IMMP2L: variants seen among roughly 807,000 people sequenced by gnomAD.
The protein encoded by IMMP2L is inner mitochondrial membrane peptidase subunit 2.
In IMMP2L, 18 loss-of-function variants were observed where a neutral mutation model predicts 19.3. The observed-to-expected ratio is 0.93, with a 90% CI of 0.64 to 1.38. The LOEUF is 1.38. Ranked by LOEUF, IMMP2L falls within the 40% of genes most tolerant of loss-of-function variation. The pLI is 0.00. For synonymous variants in IMMP2L, 76 were observed against 73.0 expected (o/e 1.04, Z -0.21); for missense variants, 233 against 218.2 (o/e 1.07, Z -0.43).
At chr7:110,969,343 A>G (rs963094711) in intron 3 of IMMP2L, among the ~76,000 whole-genome samples, 2 of 152,018 alleles carry the variant, frequency 1.3e-5, no homozygotes, top group East Asian at 3.9e-4. Context: ...TTCCCCTTGC[A>G]TCATGTAAAT....
chr7:111,112,900 A>C (rs1423435265), intron 3 of IMMP2L, among the ~76,000 whole-genome samples: 3 of 152,158 alleles, frequency 2.0e-5, no homozygotes, highest in African/African-American at 7.2e-5. Context: ...TGTTTATTGC[A>C]TTTGAAAAAA....
chr7:110,768,409 A>C (rs1798814083), intron 5 of IMMP2L, among the ~76,000 whole-genome samples: 1 of 151,990 alleles, frequency 6.6e-6, no homozygotes, highest in South Asian at 2.1e-4. Context: ...ATGCAATTTC[A>C]GTTCCATTCT....
At chr7:111,408,748 C>T (rs1273632392) in intron 3 of IMMP2L, among the ~76,000 whole-genome samples, 1 of 151,604 alleles carries the variant, frequency 6.6e-6, no homozygotes, top group Non-Finnish European at 1.5e-5. Context: ...AGCTGATAAC[C>T]ACATTGTATG....
intron 5 of IMMP2L, among the ~76,000 whole-genome samples, chr7:110,772,304 G>A (rs1419673972): frequency 2.0e-5 from 3 of 152,090 alleles, no homozygotes; most frequent in Non-Finnish European, 2.9e-5. Context: ...GGGTAATGCC[G>A]AGTACAACCA....
intron 5 of IMMP2L, among the ~76,000 whole-genome samples, chr7:110,670,200 C>T (rs1791794148): frequency 6.6e-6 from 1 of 152,080 alleles, no homozygotes; most frequent in Non-Finnish European, 1.5e-5. Flanking sequence ...CAGAGAAGTT[C>T]ATGTGAGAAC....
At chr7:111,366,726 A>C (rs1313905430) in intron 3 of IMMP2L, among the ~76,000 whole-genome samples, 1 of 151,976 alleles carries the variant, frequency 6.6e-6, no homozygotes, top group African/African-American at 2.4e-5. Flanking sequence ...AAACTTTCGG[A>C]AGATTCTAAA....
chr7:111,412,794 C>A (rs1444993379), intron 3 of IMMP2L, among the ~76,000 whole-genome samples: 2 of 151,124 alleles, frequency 1.3e-5, no homozygotes, highest in Non-Finnish European at 2.9e-5. Context: ...TTCCAATTGG[C>A]AACAAAATTT....
intron 5 of IMMP2L, among the ~76,000 whole-genome samples, chr7:110,833,765 T>C (rs1804184867): frequency 6.6e-6 from 1 of 152,192 alleles, no homozygotes; most frequent in African/African-American, 2.4e-5. Flanking sequence ...GCTGTCTAAG[T>C]GCATCTCAGC....
At chr7:111,149,307 T>C (rs981150154) in intron 3 of IMMP2L, among the ~76,000 whole-genome samples, 7 of 152,226 alleles carry the variant, frequency 4.6e-5, no homozygotes, top group African/African-American at 1.7e-4. Context: ...AACACTGATA[T>C]TGAAGATGCA....
intron 3 of IMMP2L, among the ~76,000 whole-genome samples, chr7:111,049,917 A>T (rs1031426247): frequency 6.6e-6 from 1 of 152,230 alleles, no homozygotes; most frequent in African/African-American, 2.4e-5. Context: ...GAAAAGAGCT[A>T]CTGGGAGATG....
chr7:110,873,429 C>CA (rs60827428), intron 5 of IMMP2L, among the ~76,000 whole-genome samples: 785 of 28,728 alleles, frequency 0.027, 94 homozygotes, highest in Non-Finnish European at 0.033. Context: ...GACTCTATCT[C>CA]AAAAAAAAAA....
intron 5 of IMMP2L, among the ~76,000 whole-genome samples, chr7:110,714,159 G>A (rs961486357): frequency 6.6e-6 from 1 of 152,088 alleles, no homozygotes; most frequent in South Asian, 2.1e-4. Context: ...TTTATTGAAG[G>A]CTTTTTCCAA....
At chr7:110,868,117 T>TTGGGTGTGTGTGTG (rs1808168287) in intron 5 of IMMP2L, among the ~76,000 whole-genome samples, 1 of 144,376 alleles carries the variant, frequency 6.9e-6, no homozygotes, top group Non-Finnish European at 1.5e-5. Flanking sequence ...CTTGTGAGGT[T>TTGGGTGTGTGTGTG]TGTGTGTGTG....
intron 5 of IMMP2L, among the ~76,000 whole-genome samples, chr7:110,766,604 A>G (rs866977749): frequency 6.6e-6 from 1 of 151,496 alleles, no homozygotes; most frequent in African/African-American, 2.4e-5. Context: ...AAAAAAAAAA[A>G]AAGATTTTTC....
At chr7:111,178,056 A>T (rs1023766290) in intron 3 of IMMP2L, among the ~76,000 whole-genome samples, 7 of 152,088 alleles carry the variant, frequency 4.6e-5, no homozygotes, top group Admixed American at 4.6e-4. Context: ...GGACATATAC[A>T]TACTTTTAAG....
At chr7:110,829,561 T>G (rs867361363) in intron 5 of IMMP2L, among the ~76,000 whole-genome samples, 15 of 152,146 alleles carry the variant, frequency 9.9e-5, no homozygotes, top group Admixed American at 6.6e-4. Flanking sequence ...TTCCATTTCA[T>G]TGGTTTCAGA....
intron 5 of IMMP2L, among the ~76,000 whole-genome samples, chr7:110,862,896 A>T (rs1425157482): frequency 6.6e-6 from 1 of 152,004 alleles, no homozygotes; most frequent in African/African-American, 2.4e-5. Context: ...AAAAGCAGAG[A>T]GCTGGCCCAC....
chr7:111,053,525 A>G (rs1793207992), intron 3 of IMMP2L, among the ~76,000 whole-genome samples: 1 of 152,194 alleles, frequency 6.6e-6, no homozygotes, highest in Non-Finnish European at 1.5e-5. Flanking sequence ...AGGTGTTTAT[A>G]GAAAGACTGC....
At chr7:111,535,400 T>G (rs1563324642) in intron 1 of IMMP2L, among the ~76,000 whole-genome samples, 1 of 151,942 alleles carries the variant, frequency 6.6e-6, no homozygotes, top group African/African-American at 2.4e-5. Flanking sequence ...TTAGTGAGAG[T>G]GTCTAACGAA....
Sources: gnomAD v4.1 joint callset for allele counts (sites outside exome capture counted in the v4.1 genomes callset) on GRCh38, gnomAD v4.1.1 for gene constraint, MANE v1.5 for transcripts, NCBI Gene and HGNC (gene_info 2026-07-23, HGNC 2026-07-21) for gene names.